COX7B2: variants seen among roughly 807,000 people sequenced by gnomAD.
The protein encoded by COX7B2 is cytochrome c oxidase subunit 7B2, mitochondrial.
For synonymous variants in COX7B2, 37 were observed against 32.1 expected (o/e 1.15, Z -0.51); for missense variants, 109 against 95.9 (o/e 1.14, Z -0.57).
chr4:46,842,064 A>T (rs946879123), intron 2 of COX7B2, among the ~76,000 whole-genome samples: 1 of 152,002 alleles, frequency 6.6e-6, no homozygotes, highest in African/African-American at 2.4e-5. Flanking sequence ...CCCCGATTTT[A>T]TATTATTCAT....
chr4:46,819,349 A>T (rs2109687571), intron 2 of COX7B2, among the ~76,000 whole-genome samples: 1 of 152,252 alleles, frequency 6.6e-6, no homozygotes, highest in East Asian at 1.9e-4. Context: ...GCGGCAAACT[A>T]ACATGCCACT....
intron 2 of COX7B2, among the ~76,000 whole-genome samples, chr4:46,744,502 C>T (rs1156366062): frequency 6.6e-6 from 1 of 151,994 alleles, no homozygotes; most frequent in Non-Finnish European, 1.5e-5. Flanking sequence ...CGCGGTGTTA[C>T]GGTAACACAT....
chr4:46,843,806 A>G (rs1210262730), intron 2 of COX7B2, among the ~76,000 whole-genome samples: 1 of 152,128 alleles, frequency 6.6e-6, no homozygotes, highest in East Asian at 1.9e-4. Flanking sequence ...GATTTAGAAT[A>G]TTATGTGTAC....
chr4:46,853,163 G>A (rs911504060), intron 1 of COX7B2, among the ~76,000 whole-genome samples: 2 of 152,100 alleles, frequency 1.3e-5, no homozygotes, highest in Non-Finnish European at 1.5e-5. Context: ...ATTTCCTTAG[G>A]AGCAATGGTG....
At chr4:46,781,072 G>C (rs1454614870) in intron 2 of COX7B2, among the ~76,000 whole-genome samples, 4 of 152,014 alleles carry the variant, frequency 2.6e-5, no homozygotes, top group East Asian at 3.9e-4. Context: ...AACCCTAAAA[G>C]CAGGCAGATA....
chr4:46,771,144 A>C (rs1171348951), intron 2 of COX7B2, among the ~76,000 whole-genome samples: 1 of 152,236 alleles, frequency 6.6e-6, no homozygotes, highest in African/African-American at 2.4e-5. Flanking sequence ...ATTTAAAAAC[A>C]AGAAAAGGAT....
At chr4:46,888,812 A>G (rs1560439272) in intron 1 of COX7B2, among the ~76,000 whole-genome samples, 1 of 152,154 alleles carries the variant, frequency 6.6e-6, no homozygotes, top group Non-Finnish European at 1.5e-5. Flanking sequence ...AATAATTACT[A>G]CAATCCCAAT....
intron 2 of COX7B2, among the ~76,000 whole-genome samples, chr4:46,754,724 G>GTATATATATATATATATA (rs776374967): frequency 7.5e-4 from 35 of 46,808 alleles, no homozygotes; most frequent in African/African-American, 2.7e-3. Flanking sequence ...GTGTGTGTGT[G>GTATATATATATATATATA]TGTGTATATA....
At chr4:46,766,563 G>T (rs1194040819) in intron 2 of COX7B2, among the ~76,000 whole-genome samples, 1 of 152,064 alleles carries the variant, frequency 6.6e-6, no homozygotes, top group Admixed American at 6.5e-5. Context: ...TTAGCCAGAC[G>T]TGGTGGCACA....
intron 1 of COX7B2, among the ~76,000 whole-genome samples, chr4:46,908,216 A>G (rs1026196098): frequency 6.6e-6 from 1 of 152,184 alleles, no homozygotes; most frequent in Non-Finnish European, 1.5e-5. Flanking sequence ...TGCAAATACC[A>G]CTGGCCATCC....
intron 2 of COX7B2, among the ~76,000 whole-genome samples, chr4:46,736,200 C>A (rs1326207863): frequency 6.6e-6 from 1 of 152,146 alleles, no homozygotes; most frequent in African/African-American, 2.4e-5. Flanking sequence ...AAGGTTTGGT[C>A]TCTGTCCTGC....
chr4:46,772,891 G>A (rs573404116), intron 2 of COX7B2, among the ~76,000 whole-genome samples: 4 of 152,244 alleles, frequency 2.6e-5, no homozygotes, highest in Admixed American at 2.0e-4. Context: ...TGCCAATGGC[G>A]TTAGTTTGGT....
chr4:46,735,734 A>T (rs1371458321), intron 2 of COX7B2, among the ~76,000 whole-genome samples: 1 of 152,154 alleles, frequency 6.6e-6, no homozygotes, highest in Non-Finnish European at 1.5e-5. Flanking sequence ...TCTAAGAGTT[A>T]CCACTTCTGT....
intron 2 of COX7B2, among the ~76,000 whole-genome samples, chr4:46,752,403 T>C (rs1252633515): frequency 6.6e-6 from 1 of 151,994 alleles, no homozygotes; most frequent in African/African-American, 2.4e-5. Context: ...AATTGAATAC[T>C]CTTTATTTCT....
chr4:46,834,293 G>T (rs1157637879), intron 2 of COX7B2, among the ~76,000 whole-genome samples: 2 of 151,844 alleles, frequency 1.3e-5, no homozygotes, highest in Non-Finnish European at 1.5e-5. Flanking sequence ...AATACAAACA[G>T]GAATGAAGAT....
At chr4:46,768,272 A>ATGGG (rs1345692633) in intron 2 of COX7B2, among the ~76,000 whole-genome samples, 24 of 152,282 alleles carry the variant, frequency 1.6e-4, no homozygotes, top group African/African-American at 5.8e-4. Context: ...GGGAGCTGGA[A>ATGGG]AGGAAATGGA....
chr4:46,825,006 T>C (rs920989093), intron 2 of COX7B2, among the ~76,000 whole-genome samples: 2 of 152,100 alleles, frequency 1.3e-5, no homozygotes, highest in Non-Finnish European at 2.9e-5. Flanking sequence ...ATCACTCATC[T>C]TCAACACAAT....
chr4:46,758,578 A>G (rs1356440529), intron 2 of COX7B2, among the ~76,000 whole-genome samples: 1 of 152,192 alleles, frequency 6.6e-6, no homozygotes, highest in African/African-American at 2.4e-5. Context: ...AATAACTTAT[A>G]AGAAAGCTGT....
rs182250654 is a variant in COX7B2 at position 46,780,548 on chromosome 4, G to A, written c.-49-45307C>T. 1.2e-3 allele frequency among the ~76,000 whole-genome samples: 188 copies of A among 152,272 alleles called. 1 individual carries two copies. The highest frequency in any genetic ancestry group is 4.3e-3 in the African/African-American group (178 of 41,556). Reference sequence around the variant, plus strand: ...AAAAAACAAAAAAGTCTAAACCACTGCTATCAGATCCCTAACTAGAGGACA... The same window carrying A: ...AAAAAACAAAAAAGTCTAAACCACTACTATCAGATCCCTAACTAGAGGACA... On this transcript the variant is annotated intron_variant, in intron 2 of 2. Coordinates refer to ENST00000355591, the MANE Select transcript of COX7B2 (RefSeq NM_130902.3).
Sources: gnomAD v4.1 joint callset for allele counts (sites outside exome capture counted in the v4.1 genomes callset) on GRCh38, gnomAD v4.1.1 for gene constraint, MANE v1.5 for transcripts, NCBI Gene and HGNC (gene_info 2026-07-23, HGNC 2026-07-21) for gene names.